The following DGKH variants were observed in gnomAD, a reference collection of about 807,000 sequenced individuals.
DGKH encodes the protein DAG kinase eta.
DGKH carries 90 observed loss-of-function variants against 159.3 expected under a neutral mutation model. The ratio of observed to expected loss-of-function variants is 0.57; its 90% CI spans 0.48 to 0.67. The LOEUF is 0.67. Among genes scored for constraint, DGKH ranks in the 30% least tolerant of loss-of-function variants. The pLI is 0.00. For synonymous variants in DGKH, 536 were observed against 553.8 expected, an observed-to-expected ratio of 0.97 and a Z score of 0.45; for missense variants, 1,181 against 1,506.1, an observed-to-expected ratio of 0.78 and a Z score of 3.57.
chr13:42,104,457 T>C (rs1174065613), intron 1 of DGKH, among the ~76,000 whole-genome samples: 1 of 152,222 alleles, frequency 6.6e-6, no homozygotes, highest in Non-Finnish European at 1.5e-5. Context: ...GGCTTCAAAC[T>C]TCAAATAGCC....
At chr13:42,180,048 C>G (rs1236902344) in intron 13 of DGKH, among the ~76,000 whole-genome samples, 1 of 152,192 alleles carries the variant, frequency 6.6e-6, no homozygotes, top group African/African-American at 2.4e-5. Context: ...AAAATATTTA[C>G]TTAACTATAT....
chr13:42,203,612 A>G (rs983773840), intron 20 of DGKH, among the ~76,000 whole-genome samples: 1 of 152,136 alleles, frequency 6.6e-6, no homozygotes, highest in Admixed American at 6.6e-5. Flanking sequence ...CTAATGAGAA[A>G]TATATATATA....
At chr13:42,143,014 T>G (rs566426967) in intron 3 of DGKH, among the ~76,000 whole-genome samples, 5 of 152,222 alleles carry the variant, frequency 3.3e-5, no homozygotes, top group African/African-American at 1.2e-4. Context: ...GCCCATTCAG[T>G]ATGATATTGG....
In DGKH at chr13:42,209,468, A is replaced by G. The variant is rs1473204786; in HGVS notation, c.2850+3A>G. On this transcript the variant is annotated splice_donor_region_variant and intron_variant, in intron 23 of 29. Transcript: ENST00000337343. ...CACAAATGCTAACAAGGGACAGAGT[A>G]TGTAACAAAAACATTCTTCTAGAAT... 5 of 1,586,228 alleles carry G rather than the reference A, an allele frequency of 3.2e-6. No homozygotes were observed. The African/African-American group carries it at 5.4e-5, about 17-fold the overall frequency.
intron 13 of DGKH, among the ~76,000 whole-genome samples, chr13:42,185,424 G>A (rs753807345): frequency 4.3e-4 from 66 of 152,284 alleles, no homozygotes; most frequent in Non-Finnish European, 8.1e-4. Flanking sequence ...ATGGCACACT[G>A]AGGAGGGGCA....
At chr13:42,108,850 T>TGAAGG (rs1016557333) in intron 1 of DGKH, among the ~76,000 whole-genome samples, 6 of 114,592 alleles carry the variant, frequency 5.2e-5, no homozygotes, top group African/African-American at 9.9e-5. Flanking sequence ...GCAGTAAGGC[T>TGAAGG]GAAGGAAAGG....
chr13:42,048,753 T>A lies in DGKH; in HGVS notation c.-21T>A. ...GCCGCCCCCGCCGGGCGGTGCTGTG[T>A]CCCCGCAGGAGTCGGAGAGGATGGC... is the stretch of plus-strand genomic sequence containing the variant. On this transcript the variant is annotated 5_prime_UTR_variant, in exon 1 of 30. Coordinates refer to ENST00000337343, the MANE Select transcript of DGKH (RefSeq NM_178009.5). This position sits in a 1 kb window ranked among gnomAD's most constrained non-coding sequence, Gnocchi z 6.7. 1 of 1,265,130 alleles carries A rather than the reference T, an allele frequency of 7.9e-7. No homozygotes were observed. Among genetic ancestry groups the A allele is most frequent in the Non-Finnish European group, 1.0e-6 (1 of 999,144 alleles). 78.4% of individuals were successfully genotyped at this position (1,265,130 alleles called of 1,614,324 possible). A position where few individuals can be genotyped will look rare whatever the true frequency, so the allele number is the denominator to read the frequency against.
At chr13:42,066,460 G>A (rs1478064447) in intron 1 of DGKH, 1 of 152,140 alleles carries the variant, frequency 6.6e-6, no homozygotes, top group Non-Finnish European at 1.5e-5. Flanking sequence ...ACCACATTTA[G>A]CATATTTTCA....
rs756406141 is a variant in DGKH at position 42,127,500 on chromosome 13, G to A, written c.230G>A (p.Ser77Asn). 3 of 1,613,834 alleles carry A rather than the reference G, an allele frequency of 1.9e-6. No homozygotes were observed. Among genetic ancestry groups the A allele is most frequent in the Non-Finnish European group, 2.5e-6 (3 of 1,179,802 alleles). ...IKEGQLLKQT[S>N]SFQRWKKRYF... ...GAGGGACAGCTATTGAAGCAAACCAGTTCTTTCCAAAGGTGGAAAAAGCGA... is the reference window on the plus strand; with the variant it reads ...GAGGGACAGCTATTGAAGCAAACCAATTCTTTCCAAAGGTGGAAAAAGCGA... Residue 77 changes from serine (S) to asparagine (N), a missense_variant, in exon 2 of 30, where the codon AGT (serine) becomes AAT (asparagine). Transcript: ENST00000337343.
intron 5 of DGKH, among the ~76,000 whole-genome samples, chr13:42,158,328 A>G (rs188297931): frequency 2.6e-4 from 40 of 152,356 alleles, no homozygotes; most frequent in Admixed American, 2.5e-3. Flanking sequence ...TTACCTTAGT[A>G]TGTTTCCACT....
rs1056684917 is a variant in DGKH at position 42,239,889 on chromosome 13, C to G, written c.*10701C>G. ...ACTTTTGTAATCCAGGAATTTGGAA[C>G]TACTTATGACTTAGTGCCTTGGCAT... On this transcript the variant is annotated 3_prime_UTR_variant, in exon 30 of 30. Coordinates refer to ENST00000337343, the MANE Select transcript of DGKH (RefSeq NM_178009.5). 5 of 152,230 alleles carry G rather than the reference C, an allele frequency of 3.3e-5. No individual in the cohort carries two copies. Among genetic ancestry groups the G allele is most frequent in the Admixed American group, 2.0e-4 (3 of 15,282 alleles). The allele number at this position is 152,230 out of a possible 1,614,324, so 9.4% of individuals were successfully genotyped here.
intron 1 of DGKH, among the ~76,000 whole-genome samples, chr13:42,050,494 G>A (rs1475973404): frequency 1.3e-5 from 2 of 152,318 alleles, no homozygotes; most frequent in East Asian, 3.9e-4. Flanking sequence ...CTTTAGTTAA[G>A]AGTACATCTT....
intron 1 of DGKH, among the ~76,000 whole-genome samples, chr13:42,077,010 C>T (rs1420093761): frequency 6.6e-6 from 1 of 152,080 alleles, no homozygotes; most frequent in Non-Finnish European, 1.5e-5. Context: ...CAAAGATTTT[C>T]TTCATCACCT....
At chr13:42,190,274 A>G in intron 15 of DGKH, 129 bp from the exon 16 acceptor site, 1 of 1,117,842 alleles carries the variant, frequency 8.9e-7, no homozygotes, top group Non-Finnish European at 1.2e-6. Flanking sequence ...TTCATTGCTA[A>G]ATAGTGTTTA....
intron 29 of DGKH, among the ~76,000 whole-genome samples, chr13:42,250,409 C>A (rs575654882): frequency 4.6e-5 from 7 of 152,094 alleles, no homozygotes; most frequent in African/African-American, 9.7e-5. Flanking sequence ...TCACCTCGAA[C>A]CTTTATCATT....
chr13:42,194,875 T>G lies in DGKH; in HGVS notation c.2036-10T>G. The G allele has an allele frequency of 6.2e-7, 1 of 1,607,768 alleles. No homozygotes were observed. On this transcript the variant is annotated splice_polypyrimidine_tract_variant and intron_variant, in intron 16 of 29. Transcript: ENST00000337343. ...ATTATCTCTTTTTAATCTGGACTTT[T>G]TGCCAACAGTTAAAACTGCACCTCG...
chr13:42,243,431 T>C (rs1236024024), downstream of DGKH, among the ~76,000 whole-genome samples: 5 of 152,166 alleles, frequency 3.3e-5, no homozygotes, highest in African/African-American at 4.8e-5. Flanking sequence ...TTCCTTAAAG[T>C]TCACCTCCCC....
At chr13:42,072,860 C>G (rs1309445939) in intron 1 of DGKH, among the ~76,000 whole-genome samples, 1 of 152,198 alleles carries the variant, frequency 6.6e-6, no homozygotes, top group Non-Finnish European at 1.5e-5. Flanking sequence ...TCCCCACCCC[C>G]AACCTGGCAT....
chr13:42,223,751 A>G (rs566611355), intron 29 of DGKH, among the ~76,000 whole-genome samples: 1 of 148,332 alleles, frequency 6.7e-6, no homozygotes, highest in East Asian at 1.9e-4. Context: ...ACAGAGCAAG[A>G]CTCTGTCTCC....
Sources: allele counts gnomAD v4.1 joint callset (sites outside exome capture counted in the v4.1 genomes callset), GRCh38; gene constraint gnomAD v4.1.1; non-coding constraint Gnocchi (gnomAD v3.1); transcripts MANE v1.5; gene names NCBI Gene and HGNC (gene_info 2026-07-23, HGNC 2026-07-21).